The following ATP8B4 variants were observed in gnomAD, a reference collection of about 807,000 sequenced individuals.
The protein encoded by ATP8B4 is probable phospholipid-transporting ATPase IM.
ATP8B4 carries 133 observed loss-of-function variants against 145.6 expected under a neutral mutation model. That is an observed-to-expected ratio of 0.91 (90% CI 0.79 to 1.05). The LOEUF (loss-of-function observed/expected upper bound fraction) is 1.05. Ranked by LOEUF, ATP8B4 falls within the 50% of genes least tolerant of loss-of-function variation. The pLI is 0.00. For synonymous variants in ATP8B4, 507 were observed against 492.9 expected, an observed-to-expected ratio of 1.03 and a Z score of -0.38; for missense variants, 1,458 against 1,425.2, an observed-to-expected ratio of 1.02 and a Z score of -0.37.
In ATP8B4 at chr15:49,876,346, G is replaced by A; in HGVS notation, c.2959C>T (p.His987Tyr). The A allele has an allele frequency of 6.2e-7, 1 of 1,614,118 alleles. No individual in the cohort carries two copies. Among genetic ancestry groups the A allele is most frequent in the Non-Finnish European group, 8.5e-7 (1 of 1,179,984 alleles). Reference sequence around the variant, plus strand: ...GCAAAGGACTGGTAGTCAGCAATATGTTGCCCATCTTCTCCAGCCACGTTG... The same window carrying A: ...GCAAAGGACTGGTAGTCAGCAATATATTGCCCATCTTCTCCAGCCACGTTG... ...FYNVAGEDGQ[H>Y]IADYQSFAVT... Residue 987 changes from histidine to tyrosine, a missense_variant, in exon 25 of 28, where the codon CAT becomes TAT. Coordinates refer to ENST00000284509, the MANE Select transcript of ATP8B4 (RefSeq NM_024837.4).
intron 7 of ATP8B4, among the ~76,000 whole-genome samples, chr15:50,004,231 T>C (rs1567181102): frequency 6.6e-6 from 1 of 151,860 alleles, no homozygotes; most frequent in African/African-American, 2.4e-5. Context: ...GAGGAGGGAG[T>C]GCGAAGGGAA....
intron 6 of ATP8B4, among the ~76,000 whole-genome samples, chr15:50,023,298 A>G (rs746239542): frequency 6.6e-6 from 1 of 152,158 alleles, no homozygotes; most frequent in African/African-American, 2.4e-5. Flanking sequence ...GATATTTTCA[A>G]TTTGGTTAAT....
In ATP8B4 at chr15:49,962,553, T is replaced by G. The variant is rs377357545; in HGVS notation, c.1244-533A>C. Reference sequence around the variant, plus strand: ...ATGCCAGAAATTTAAAATAACTTTTTTCTTAGTACAAAGCTAATATGTACT... The same window carrying G: ...ATGCCAGAAATTTAAAATAACTTTTGTCTTAGTACAAAGCTAATATGTACT... On this transcript the variant is annotated intron_variant, in intron 13 of 27. Coordinates refer to ENST00000284509, the MANE Select transcript of ATP8B4 (RefSeq NM_024837.4). 9.8e-5 allele frequency among the ~76,000 whole-genome samples: 15 copies of G among 152,368 alleles called. No individual in the cohort carries two copies. The East Asian group carries it at 1.2e-3, about 12-fold the overall frequency.
intron 25 of ATP8B4, among the ~76,000 whole-genome samples, chr15:49,873,441 G>A (rs994890224): frequency 3.3e-5 from 5 of 152,160 alleles, no homozygotes; most frequent in African/African-American, 1.2e-4. Flanking sequence ...GAATACTACA[G>A]CCATTAAAAG....
chr15:50,087,341 T>TAGATATACATCTATATTTATATATA (rs1310936389), intron 2 of ATP8B4, among the ~76,000 whole-genome samples: 1 of 30,266 alleles, frequency 3.3e-5, no homozygotes, highest in African/African-American at 4.0e-4. Context: ...TTATATATAA[T>TAGATATACATCTATATTTATATATA]ATAGATCTAT....
At chr15:49,978,974 C>T (rs993666015) in intron 12 of ATP8B4, among the ~76,000 whole-genome samples, 4 of 152,072 alleles carry the variant, frequency 2.6e-5, no homozygotes, top group African/African-American at 9.7e-5. Flanking sequence ...TTACAATGGA[C>T]TAGCACCACC....
intron 1 of ATP8B4, among the ~76,000 whole-genome samples, chr15:50,132,974 A>T (rs181604917): frequency 2.2e-5 from 2 of 89,634 alleles, no homozygotes; most frequent in Non-Finnish European, 4.5e-5. Flanking sequence ...GTGGTGGGCT[A>T]GGGGAGGGAT....
rs548619808 is a variant in ATP8B4 at position 50,023,000 on chromosome 15, C to A, written c.363-12083G>T. Among the ~76,000 whole-genome samples, 18 of 152,224 alleles carry A rather than the reference C, an allele frequency of 1.2e-4. 1 individual carries two copies. The South Asian group carries it at 3.7e-3, about 32-fold the overall frequency. Reference sequence around the variant, plus strand: ...TGCCTGGAGTAGACTCCATTTTTCTCTATTAGGAAGATGAAAACTTTCTGC... The same window carrying A: ...TGCCTGGAGTAGACTCCATTTTTCTATATTAGGAAGATGAAAACTTTCTGC... On this transcript the variant is annotated intron_variant, in intron 6 of 27. Transcript: ENST00000284509.
chr15:49,967,470 A>G (rs1401360548), intron 13 of ATP8B4, among the ~76,000 whole-genome samples: 4 of 152,238 alleles, frequency 2.6e-5, no homozygotes, highest in African/African-American at 9.6e-5. Flanking sequence ...AACTTCGTGA[A>G]GCATACACAG....
At chr15:50,085,864 G>GTATCATATA (rs1567330106) in intron 2 of ATP8B4, among the ~76,000 whole-genome samples, 10 of 43,658 alleles carry the variant, frequency 2.3e-4, no homozygotes, top group African/African-American at 1.4e-3. Context: ...TATAATAAAC[G>GTATCATATA]TATCATATAT....
At chr15:49,910,156 G>A (rs768654887) in intron 20 of ATP8B4, among the ~76,000 whole-genome samples, 59 of 152,156 alleles carry the variant, frequency 3.9e-4, no homozygotes, top group Admixed American at 7.9e-4. Flanking sequence ...ATATCATAAC[G>A]AAGAACCAAA....
chr15:50,179,251 T>G (rs1464044613), intron 1 of ATP8B4, among the ~76,000 whole-genome samples: 1 of 152,182 alleles, frequency 6.6e-6, no homozygotes, highest in East Asian at 1.9e-4. Context: ...TGAGTGAGAT[T>G]CAGAAGAGCC....
Position 50,044,585 on chromosome 15 carries a change from A to G in ATP8B4, c.300+9T>C. 6.3e-7 allele frequency: 1 copy of G among 1,585,452 alleles called. No homozygotes were observed. The highest frequency in any genetic ancestry group is 1.1e-5 in the South Asian group (1 of 89,250). Reference sequence around the variant, plus strand: ...GAGACCTCAAGAATGCTCAAGAGCAAATACTCACATAGTCATCTGTGGCAT... The same window carrying G: ...GAGACCTCAAGAATGCTCAAGAGCAGATACTCACATAGTCATCTGTGGCAT... On this transcript the variant is annotated intron_variant, in intron 5 of 27. Coordinates refer to ENST00000284509, the MANE Select transcript of ATP8B4 (RefSeq NM_024837.4).
chr15:49,991,393 A>G (rs2047035775), intron 9 of ATP8B4, among the ~76,000 whole-genome samples: 1 of 152,212 alleles, frequency 6.6e-6, no homozygotes, highest in African/African-American at 2.4e-5. Context: ...CAGTAACAAT[A>G]TGCAAAAGAT....
At chr15:49,927,061 G>A (rs2153461051) in intron 16 of ATP8B4, among the ~76,000 whole-genome samples, 1 of 152,130 alleles carries the variant, frequency 6.6e-6, no homozygotes, top group South Asian at 2.1e-4. Flanking sequence ...AGCCACCTCT[G>A]AATTTTATCT....
intron 23 of ATP8B4, among the ~76,000 whole-genome samples, chr15:49,890,382 T>C (rs1018733339): frequency 3.3e-5 from 5 of 152,192 alleles, no homozygotes; most frequent in African/African-American, 9.6e-5. Context: ...TCCATTTCAC[T>C]ATGGAGCTTT....
intron 2 of ATP8B4, 32 bp downstream of exon 2, chr15:50,106,907 A>G: frequency 1.3e-6 from 2 of 1,572,080 alleles, no homozygotes; most frequent in Non-Finnish European, 1.7e-6. Context: ...TTAAAATATC[A>G]CTTTGCATCA....
At chr15:50,119,024 A>C (rs954894952) in intron 1 of ATP8B4, 99 bp downstream of exon 1, 17 of 151,974 alleles carry the variant, frequency 1.1e-4, no homozygotes, top group Non-Finnish European at 2.5e-4. Flanking sequence ...CAGCAAAACA[A>C]AATAGGGATC....
At chr15:50,127,890 C>T (rs1278093402) in intron 1 of ATP8B4, among the ~76,000 whole-genome samples, 1 of 152,166 alleles carries the variant, frequency 6.6e-6, no homozygotes, top group East Asian at 1.9e-4. Flanking sequence ...CAAGGTGTGC[C>T]TCACTGTGGT....
Sources: gnomAD v4.1 joint callset for allele counts (sites outside exome capture counted in the v4.1 genomes callset) on GRCh38, gnomAD v4.1.1 for gene constraint, MANE v1.5 for transcripts, NCBI Gene and HGNC (gene_info 2026-07-23, HGNC 2026-07-21) for gene names.